JCAD: variants seen among roughly 807,000 people sequenced by gnomAD.
JCAD encodes junctional cadherin 5 associated.
JCAD carries 40 observed loss-of-function variants against 98.0 expected under a neutral mutation model. The observed-to-expected ratio is 0.41, with a 90% CI of 0.32 to 0.53. JCAD has a LOEUF of 0.53. Ranked by LOEUF, JCAD falls within the 20% of genes least tolerant of loss-of-function variation. The pLI is 0.31. For missense variants in JCAD, 1,705 were observed against 1,738.1 expected (o/e 0.98, Z 0.34); for synonymous variants, 691 against 682.3 (o/e 1.01, Z -0.20).
At chr10:30,040,404 G>A (rs573895128) in intron 2 of JCAD, among the ~76,000 whole-genome samples, 4 of 152,302 alleles carry the variant, frequency 2.6e-5, no homozygotes, top group Admixed American at 1.3e-4. Flanking sequence ...TCTTTAATAA[G>A]GGCATGTCAG....
upstream of JCAD, among the ~76,000 whole-genome samples, chr10:30,063,020 A>T (rs542217651): frequency 1.2e-4 from 18 of 152,296 alleles, no homozygotes; most frequent in African/African-American, 4.1e-4. Context: ...CAGTACATGG[A>T]CAAGGGATGG....
chr10:30,050,938 G>A (rs368289202), intron 1 of JCAD, among the ~76,000 whole-genome samples: 5 of 152,152 alleles, frequency 3.3e-5, no homozygotes, highest in Admixed American at 1.3e-4. Flanking sequence ...ACTTCTCGAC[G>A]TAGACAGGAA....
upstream of JCAD, among the ~76,000 whole-genome samples, chr10:30,063,108 G>T (rs1023012157): frequency 6.6e-6 from 1 of 150,964 alleles, no homozygotes; most frequent in East Asian, 2.0e-4. Context: ...TGCAATTTGG[G>T]TCTCTTGCTT....
At chr10:30,052,483 A>G (rs758527847) in intron 1 of JCAD, among the ~76,000 whole-genome samples, 12 of 152,226 alleles carry the variant, frequency 7.9e-5, no homozygotes, top group Non-Finnish European at 1.5e-4. Flanking sequence ...ACAGGGCTAA[A>G]TAGGTCATCT....
chr10:30,026,629 A>T lies in JCAD; in HGVS notation c.3519T>A (p.Phe1173Leu), dbSNP rs1836809033. ...CAACCCCGTCCACATCTGAGTGCTC[A>T]AAAGCCTGAGGAGCCCGCCTGGCAC... is the stretch of plus-strand genomic sequence containing the variant. ...RDSARRAPQA[F>L]EHSDVDGVVT... Residue 1173 changes from phenylalanine (F) to leucine (L), a missense_variant, in exon 3 of 4, where the codon TTT becomes TTA. Physicochemically the swap from Phe to Leu is conservative, Grantham distance 22. Transcript: ENST00000375377. The T allele has an allele frequency of 6.2e-7, 1 of 1,613,342 alleles. No homozygotes were observed. Among genetic ancestry groups the T allele is most frequent in the Non-Finnish European group, 8.5e-7 (1 of 1,180,026 alleles).
At chr10:30,065,625 C>T (rs546834381) in intron 2 of JCAD, among the ~76,000 whole-genome samples, 3 of 152,216 alleles carry the variant, frequency 2.0e-5, no homozygotes, top group East Asian at 1.9e-4. Context: ...CCTCAGCCTC[C>T]TAAGTAACTG....
Position 30,021,405 on chromosome 10 carries a change from G to C in JCAD, c.4046-3488C>G, listed in dbSNP as rs1240500921. 3.7e-4 allele frequency among the ~76,000 whole-genome samples: 56 copies of C among 152,160 alleles called. 1 individual carries two copies. Among genetic ancestry groups the C allele is most frequent in the Admixed American group, 3.6e-3 (55 of 15,290 alleles). Reference sequence around the variant, plus strand: ...GTAGAGATGGGGGTCTCGCTATGTTGCCCAGGCTGGTTTTGGGCTCAGATG... The same window carrying C: ...GTAGAGATGGGGGTCTCGCTATGTTCCCCAGGCTGGTTTTGGGCTCAGATG... On this transcript the variant is annotated intron_variant, in intron 3 of 3. Transcript: ENST00000375377.
At position 30,058,901 on chromosome 10, in the gene JCAD, G is replaced by C. The variant is rs578037234; in HGVS notation, c.-60+581C>G. Among the ~76,000 whole-genome samples, 459 of 152,302 alleles carry C rather than the reference G, an allele frequency of 3.0e-3. 1 individual carries two copies. Among genetic ancestry groups the C allele is most frequent in the Non-Finnish European group, 5.2e-3 (353 of 68,012 alleles). On this transcript the variant is annotated intron_variant, in intron 1 of 3. Transcript: ENST00000375377. ...AGCGCCCTAATCCCCAGCGCAGACCGCGCAGAGACCGGAGCGGGAGCGGGG... is the reference window on the plus strand; with the variant it reads ...AGCGCCCTAATCCCCAGCGCAGACCCCGCAGAGACCGGAGCGGGAGCGGGG...
chr10:30,043,165 C>A (rs1486126434), intron 2 of JCAD, among the ~76,000 whole-genome samples: 2 of 152,178 alleles, frequency 1.3e-5, no homozygotes, highest in Non-Finnish European at 2.9e-5. Flanking sequence ...CCTAGATGCT[C>A]AGTACTACTT....
chr10:30,092,662 C>A (rs1231064293), intron 1 of JCAD, among the ~76,000 whole-genome samples: 2 of 152,138 alleles, frequency 1.3e-5, no homozygotes, highest in Non-Finnish European at 2.9e-5. Flanking sequence ...CAGCACCCAG[C>A]CAGCACGTTG....
chr10:30,062,993 G>T (rs1425950658), upstream of JCAD, among the ~76,000 whole-genome samples: 1 of 152,144 alleles, frequency 6.6e-6, no homozygotes, highest in Non-Finnish European at 1.5e-5. Context: ...CACTGGGCCA[G>T]TTTCCACACC....
intron 1 of JCAD, among the ~76,000 whole-genome samples, chr10:30,056,421 A>G (rs146829752): frequency 1.3e-5 from 2 of 152,326 alleles, no homozygotes; most frequent in South Asian, 2.1e-4. Flanking sequence ...GTAAAAAGGA[A>G]AAGTTCCTAG....
intron 3 of JCAD, among the ~76,000 whole-genome samples, chr10:30,022,908 C>T (rs1249675120): frequency 1.4e-4 from 21 of 152,132 alleles, no homozygotes; most frequent in Non-Finnish European, 7.4e-5. Flanking sequence ...CCTTCACATT[C>T]GGTCACCACT....
intron 2 of JCAD, among the ~76,000 whole-genome samples, chr10:30,036,612 G>C (rs1372053744): frequency 6.6e-6 from 1 of 152,192 alleles, no homozygotes; most frequent in Admixed American, 6.5e-5. Context: ...CAGGAGCACG[G>C]GATAGATGTG....
chr10:30,084,781 GTATCTATCTATC>G lies in JCAD; in HGVS notation n.129-14972_129-14961del, dbSNP rs61201965. On this transcript the variant is annotated intron_variant and non_coding_transcript_variant, in intron 1 of 2. Transcript: ENST00000465712. ...GAGCCAATTTCTTATAATCAAATCT[GTATCTATCTATC>G]TATCTATCTATCTATCTATCTATCT... 7.0e-3 allele frequency among the ~76,000 whole-genome samples: 1,029 copies of G among 146,872 alleles called. 8 individuals are homozygous for G. Among genetic ancestry groups the G allele is most frequent in the African/African-American group, 0.021 (851 of 39,640 alleles).
chr10:30,031,476 C>G (rs1836988886), intron 2 of JCAD, among the ~76,000 whole-genome samples: 1 of 137,288 alleles, frequency 7.3e-6, no homozygotes, highest in South Asian at 2.3e-4. Flanking sequence ...CTGAGTCTCG[C>G]TTTCGCCCAG....
rs1443176624 is a variant in JCAD at position 30,027,141 on chromosome 10, G to C, written c.3007C>G (p.Pro1003Ala). Residue 1003 changes from proline (P) to alanine (A), a missense_variant, in exon 3 of 4, where the codon CCG becomes GCG. Physicochemically the swap from Pro to Ala is conservative, Grantham distance 27 (BLOSUM62 -1). Transcript: ENST00000375377. ...GAGCTGAAAGCACTGGTGATTTTCG[G>C]ACTTTCCTGGGGCTCCCTAGGTTCA... is the stretch of plus-strand genomic sequence containing the variant. ...PAEPREPQES[P>A]KITSAFSSVK... 1 of 1,614,194 alleles carries C rather than the reference G, an allele frequency of 6.2e-7. No homozygotes were observed. The highest frequency in any genetic ancestry group is 1.1e-5 in the South Asian group (1 of 91,090).
At chr10:30,047,343 TGGAC>T (rs1338973424) in intron 2 of JCAD, among the ~76,000 whole-genome samples, 185 bp downstream of exon 2, 1 of 152,248 alleles carries the variant, frequency 6.6e-6, no homozygotes, top group Non-Finnish European at 1.5e-5. Context: ...TACTCCAGCC[TGGAC>T]GACAGAGCAA....
intron 1 of JCAD, among the ~76,000 whole-genome samples, chr10:30,086,731 C>A (rs1231438364): frequency 6.6e-6 from 1 of 152,218 alleles, no homozygotes. Flanking sequence ...CCTTTTCAAA[C>A]TGTAGATTCA....
Sources: gnomAD v4.1 joint callset for allele counts (sites outside exome capture counted in the v4.1 genomes callset) on GRCh38, gnomAD v4.1.1 for gene constraint, MANE v1.5 for transcripts, NCBI Gene and HGNC (gene_info 2026-07-23, HGNC 2026-07-21) for gene names.